The following ESRRG variants were observed in gnomAD, a reference collection of about 807,000 sequenced individuals.
ESRRG encodes the protein estrogen-related receptor gamma.
ESRRG carries 13 observed loss-of-function variants against 44.0 expected under a neutral mutation model. The observed-to-expected ratio is 0.30, with a 90% confidence interval of 0.19 to 0.47. ESRRG has a LOEUF of 0.47. Ranked by LOEUF, ESRRG falls within the 20% of genes least tolerant of loss-of-function variation. ESRRG has a pLI of 1.00. For missense variants in ESRRG, 395 were observed against 580.6 expected (o/e 0.68, Z 3.29); for synonymous variants, 215 against 214.6 (o/e 1.00, Z -0.02).
At chr1:216,870,655 G>T (rs1175913801) in intron 2 of ESRRG, among the ~76,000 whole-genome samples, 1 of 151,864 alleles carries the variant, frequency 6.6e-6, no homozygotes, top group Admixed American at 6.6e-5. Flanking sequence ...TTTGGCAAAA[G>T]GATTTTTAAC....
chr1:217,110,207 T>C (rs1417896881), intron 1 of ESRRG, among the ~76,000 whole-genome samples: 1 of 152,192 alleles, frequency 6.6e-6, no homozygotes, highest in Non-Finnish European at 1.5e-5. Context: ...CTCAAAATTG[T>C]TGTCAGTGCA....
At chr1:216,837,410 C>CA (rs3072231) in intron 2 of ESRRG, among the ~76,000 whole-genome samples, 65,449 of 148,254 alleles carry the variant, frequency 0.44, 14,680 homozygotes, top group Non-Finnish European at 0.5. Context: ...GACTCCGTAT[C>CA]AAAAAAAAAA....
At chr1:216,568,776 G>A (rs2060142513) in intron 3 of ESRRG, among the ~76,000 whole-genome samples, 1 of 152,166 alleles carries the variant, frequency 6.6e-6, no homozygotes, top group Admixed American at 6.5e-5. Context: ...TTCCTAGCCG[G>A]GCGCAGTGGC....
At chr1:216,714,494 T>C (rs35399012) in intron 1 of ESRRG, 117,187 of 573,714 alleles carry the variant, frequency 0.2, 12,805 homozygotes, top group South Asian at 0.34. Flanking sequence ...AGGAAGACAA[T>C]AGACAATATC....
chr1:216,730,544 C>G (rs1196773027), intron 2 of ESRRG, among the ~76,000 whole-genome samples: 2 of 152,074 alleles, frequency 1.3e-5, no homozygotes, highest in Non-Finnish European at 2.9e-5. Context: ...CTGGGCCTGA[C>G]AGTATGCCCA....
At chr1:216,824,698 T>A (rs2095361247) in intron 2 of ESRRG, among the ~76,000 whole-genome samples, 1 of 152,152 alleles carries the variant, frequency 6.6e-6, no homozygotes. Context: ...TTATAATGAT[T>A]AACTGTGAGT....
At chr1:216,728,857 A>G (rs766381223) in intron 2 of ESRRG, among the ~76,000 whole-genome samples, 2 of 152,068 alleles carry the variant, frequency 1.3e-5, no homozygotes, top group Non-Finnish European at 2.9e-5. Flanking sequence ...AAAGAGTTAT[A>G]CTTTTTCTGA....
At chr1:216,645,919 G>A (rs944035797) in intron 3 of ESRRG, among the ~76,000 whole-genome samples, 8 of 146,382 alleles carry the variant, frequency 5.5e-5, no homozygotes, top group African/African-American at 7.5e-5. Flanking sequence ...TACTTATGAA[G>A]TTAACAGGAT....
chr1:216,723,577 G>T (rs2086849363), upstream of ESRRG: 1 of 447,494 alleles, frequency 2.2e-6, no homozygotes, highest in African/African-American at 2.0e-5. Context: ...GAGGCTGCAC[G>T]GAGCGAGAGG....
At chr1:216,569,100 GGAAGGAAGGAA>G (rs1359765734) in intron 3 of ESRRG, among the ~76,000 whole-genome samples, 2 of 116,512 alleles carry the variant, frequency 1.7e-5, no homozygotes, top group Admixed American at 1.9e-4. Context: ...AAGGAAGGAA[GGAAGGAAGGAA>G]GAAGGAAGGA....
At chr1:216,966,318 G>A (rs575636460) in intron 1 of ESRRG, among the ~76,000 whole-genome samples, 5 of 152,290 alleles carry the variant, frequency 3.3e-5, no homozygotes, top group African/African-American at 9.6e-5. Flanking sequence ...TGCTTCAGAT[G>A]ATACACCAGA....
chr1:216,522,836 C>G (rs1231707598), intron 5 of ESRRG, among the ~76,000 whole-genome samples: 1 of 152,124 alleles, frequency 6.6e-6, no homozygotes, highest in Non-Finnish European at 1.5e-5. Context: ...CATAATTGCT[C>G]TATTGGCTTA....
intron 1 of ESRRG, among the ~76,000 whole-genome samples, chr1:217,062,403 T>A (rs1428779103): frequency 6.6e-6 from 1 of 152,158 alleles, no homozygotes; most frequent in Non-Finnish European, 1.5e-5. Context: ...GCAGGACACA[T>A]TTTGGTGTCA....
At chr1:216,604,976 G>A (rs1323940783) in intron 3 of ESRRG, among the ~76,000 whole-genome samples, 1 of 152,132 alleles carries the variant, frequency 6.6e-6, no homozygotes. Flanking sequence ...ATTACCAGAT[G>A]GACAGGTGGA....
chr1:216,727,474 C>G (rs2087774169), upstream of ESRRG, among the ~76,000 whole-genome samples: 1 of 152,074 alleles, frequency 6.6e-6, no homozygotes, highest in Non-Finnish European at 1.5e-5. Context: ...TTATCTGTCC[C>G]TCATTTCCTC....
intron 2 of ESRRG, among the ~76,000 whole-genome samples, chr1:216,868,079 C>CTTTTTT (rs58738849): frequency 3.8e-4 from 30 of 78,362 alleles, no homozygotes; most frequent in Non-Finnish European, 4.4e-4. Flanking sequence ...TATATTGATC[C>CTTTTTT]TTTTTTTTTT....
intron 1 of ESRRG, among the ~76,000 whole-genome samples, chr1:217,063,673 C>A (rs1240006160): frequency 6.6e-6 from 1 of 152,128 alleles, no homozygotes; most frequent in Non-Finnish European, 1.5e-5. Context: ...AGAAAGAGCA[C>A]CACAGGGTGG....
intron 1 of ESRRG, among the ~76,000 whole-genome samples, chr1:216,711,569 A>C (rs2083608925): frequency 6.6e-6 from 1 of 152,150 alleles, no homozygotes; most frequent in Admixed American, 6.6e-5. Context: ...TTTCTCTGGC[A>C]TTTGTGACAT....
chr1:216,929,642 C>A (rs1196528729), intron 2 of ESRRG, among the ~76,000 whole-genome samples: 1 of 152,146 alleles, frequency 6.6e-6, no homozygotes. Flanking sequence ...TAGTGCATCA[C>A]AGGTGGTTTG....
Sources: allele counts gnomAD v4.1 joint callset (sites outside exome capture counted in the v4.1 genomes callset), GRCh38; gene constraint gnomAD v4.1.1; transcripts MANE v1.5; gene names NCBI Gene and HGNC (gene_info 2026-07-23, HGNC 2026-07-21).